Variants in CSNK1D observed in about 807,000 individuals in gnomAD.
CSNK1D encodes casein kinase I isoform delta.
CSNK1D carries 16 observed loss-of-function variants against 46.6 expected under a neutral mutation model. That is an observed-to-expected ratio of 0.34 (90% CI 0.23 to 0.52). The LOEUF (loss-of-function observed/expected upper bound fraction) is 0.52. Ranked by LOEUF, CSNK1D falls within the 20% of genes least tolerant of loss-of-function variation. The probability of loss-of-function intolerance (pLI) is 0.95; values close to 1 mark genes in which losing one functional copy is unlikely to be tolerated. For synonymous variants in CSNK1D, 276 were observed against 228.2 expected (o/e 1.21, Z -1.89); for missense variants, 398 against 578.4 (o/e 0.69, Z 3.20).
chr17:82,272,901 C>T (rs113042471), intron 1 of CSNK1D, among the ~76,000 whole-genome samples: 1 of 146,422 alleles, frequency 6.8e-6, no homozygotes, highest in Non-Finnish European at 1.5e-5. Flanking sequence ...CCACGGCCCG[C>T]TGCCCCCACC....
At position 82,252,455 on chromosome 17, in the gene CSNK1D, C is replaced by G. The variant is rs1228033677; in HGVS notation, c.715G>C (p.Val239Leu). 1 of 1,614,140 alleles carries G rather than the reference C, an allele frequency of 6.2e-7. No homozygotes were observed. The highest frequency in any genetic ancestry group is 1.7e-5 in the Admixed American group (1 of 60,022). The stretch of plus-strand genomic sequence containing the variant: ...TTACAAGGGTAGCCTTTACACAACA[C>G]TTCGATGGGGGTGGACATTTTCTTC... ...SEKKMSTPIE[V>L]LCKGYPSEFA... The change falls in exon 5 of 9, where the codon GTG becomes CTG. Residue 239 changes from valine to leucine, a missense_variant. Val to Leu is a conservative substitution (Grantham distance 32). Transcript: ENST00000314028. This position sits in a 1 kb window ranked among gnomAD's most constrained non-coding sequence, Gnocchi z 4.6.
chr17:82,242,610 A>C (rs1371208134), downstream of CSNK1D: 4 of 976,140 alleles, frequency 4.1e-6, no homozygotes, highest in Non-Finnish European at 4.9e-6. Context: ...GTTCACCTCA[A>C]CACAGTGAAA....
chr17:82,246,579 A>G, intron 8 of CSNK1D: 2 of 1,027,366 alleles, frequency 1.9e-6, no homozygotes, highest in Non-Finnish European at 2.3e-6. Context: ...GCCGAACACC[A>G]ACAGCCCGAA....
intron 2 of CSNK1D, 124 bp downstream of exon 2, chr17:82,265,562 G>C: frequency 1.3e-6 from 1 of 775,630 alleles, no homozygotes; most frequent in Non-Finnish European, 2.3e-6. Context: ...TCAGGGTGTG[G>C]AGAACACTTC....
At chr17:82,261,442 A>G (rs534913600) in intron 2 of CSNK1D, among the ~76,000 whole-genome samples, 2 of 152,324 alleles carry the variant, frequency 1.3e-5, no homozygotes, top group South Asian at 2.1e-4. Flanking sequence ...GGCCAGATAC[A>G]TGAAGACATG....
chr17:82,266,540 G>T (rs1452613974), intron 1 of CSNK1D, among the ~76,000 whole-genome samples: 3 of 152,174 alleles, frequency 2.0e-5, no homozygotes, highest in African/African-American at 7.2e-5. Context: ...TTTTTATCTA[G>T]AAATGTTCCA....
intron 1 of CSNK1D, among the ~76,000 whole-genome samples, chr17:82,268,381 A>G (rs1292859182): frequency 6.6e-6 from 1 of 152,276 alleles, no homozygotes; most frequent in Non-Finnish European, 1.5e-5. Context: ...TCAAGCTGCC[A>G]TCAGTGCACA....
At chr17:82,268,088 A>G (rs1161067343) in intron 1 of CSNK1D, among the ~76,000 whole-genome samples, 1 of 152,212 alleles carries the variant, frequency 6.6e-6, no homozygotes, top group Non-Finnish European at 1.5e-5. Context: ...CTCCTGTGGA[A>G]CCGACACCAA....
chr17:82,270,163 G>A (rs1328391053), intron 1 of CSNK1D, among the ~76,000 whole-genome samples: 5 of 152,188 alleles, frequency 3.3e-5, no homozygotes, highest in African/African-American at 7.2e-5. Flanking sequence ...TCCAAAGCCT[G>A]GGCATTCAAG....
Position 82,248,851 on chromosome 17 carries a change from C to T in CSNK1D, c.1197+24G>A. The T allele has an allele frequency of 6.2e-7, 1 of 1,603,508 alleles. No homozygotes were observed. Among genetic ancestry groups the T allele is most frequent in the East Asian group, 2.2e-5 (1 of 44,512 alleles). ...GGACGGGGTAGCCCGAGGCCCAGCGCCCGCCCGGGAGCTCTGCACCTACCT... is the reference window on the plus strand; with the variant it reads ...GGACGGGGTAGCCCGAGGCCCAGCGTCCGCCCGGGAGCTCTGCACCTACCT... On this transcript the variant is annotated intron_variant, in intron 8 of 8. Coordinates refer to ENST00000314028, the MANE Select transcript of CSNK1D (RefSeq NM_001893.6). This position sits in a 1 kb window ranked among gnomAD's most constrained non-coding sequence, Gnocchi z 4.1.
chr17:82,270,790 T>C (rs1211614464), intron 1 of CSNK1D, among the ~76,000 whole-genome samples: 2 of 151,626 alleles, frequency 1.3e-5, no homozygotes, highest in Non-Finnish European at 2.9e-5. Context: ...CTCAAGTAAC[T>C]GGACGTGTAC....
Position 82,243,192 on chromosome 17 carries a change from G to T in CSNK1D, c.*1589C>A, listed in dbSNP as rs115234770. The T allele has an allele frequency of 1.5e-5, 15 of 985,526 alleles. No individual in the cohort carries two copies. In the African/African-American group the frequency reaches 2.1e-4, roughly 14 times the overall value. 61.0% of individuals were successfully genotyped at this position (985,526 alleles called of 1,614,324 possible). On this transcript the variant is annotated 3_prime_UTR_variant, in exon 9 of 9. Transcript: ENST00000314028. ...TCAGGCAGACGGCCAGCCAGCTGGTGGGGGGGTGAACAACTGTGTTCTGGG... is the reference window on the plus strand; with the variant it reads ...TCAGGCAGACGGCCAGCCAGCTGGTTGGGGGGTGAACAACTGTGTTCTGGG...
rs372769696 is a variant in CSNK1D at position 82,244,173 on chromosome 17, C to G, written c.*608G>C. ...ACACCACGGACTTTTGATGAGAAAT[C>G]TCCTCTCCAAAGCGGACAATAAAAC... On this transcript the variant is annotated 3_prime_UTR_variant, in exon 9 of 9. Transcript: ENST00000314028. The G allele has an allele frequency of 6.8e-5, 69 of 1,008,392 alleles. No individual in the cohort carries two copies. The East Asian group carries it at 4.2e-3, about 62-fold the overall frequency. 62.5% of individuals were successfully genotyped at this position (1,008,392 alleles called of 1,614,324 possible).
chr17:82,251,193 CT>C lies in CSNK1D; in HGVS notation c.885+185del. On this transcript the variant is annotated intron_variant, in intron 6 of 8. Transcript: ENST00000314028. The surrounding 1 kb of genome is among the most constrained non-coding windows in gnomAD (Gnocchi z 4.5). ...TGCGTTCCCTAATGGCGTCTTACTT[CT>C]TGGCACCCCTTTCTGGCAGGCAGAC... 1.5e-6 allele frequency: 1 copy of C among 666,654 alleles called. No homozygotes were observed. Among genetic ancestry groups the C allele is most frequent in the East Asian group, 2.8e-5 (1 of 35,646 alleles). The allele number at this position is 666,654 out of a possible 1,614,324, so 41.3% of individuals were successfully genotyped here.
At chr17:82,270,464 A>ATAC (rs1266567539) in intron 1 of CSNK1D, among the ~76,000 whole-genome samples, 1 of 152,228 alleles carries the variant, frequency 6.6e-6, no homozygotes, top group African/African-American at 2.4e-5. Flanking sequence ...AACAGTAGGA[A>ATAC]TGGTCTTAAC....
At position 82,243,247 on chromosome 17, in the gene CSNK1D, T is replaced by C; in HGVS notation, c.*1534A>G. On this transcript the variant is annotated 3_prime_UTR_variant, in exon 9 of 9. Coordinates refer to ENST00000314028, the MANE Select transcript of CSNK1D (RefSeq NM_001893.6). ...CAGCCAGTTATGGCATCCGGGGAAC[T>C]CTGGGGAGGAGAAGGGAGAACCAAG... 2 of 985,458 alleles carry C rather than the reference T, an allele frequency of 2.0e-6. No homozygotes were observed. Among genetic ancestry groups the C allele is most frequent in the Non-Finnish European group, 2.4e-6 (2 of 829,984 alleles). 61.0% of individuals were successfully genotyped at this position (985,458 alleles called of 1,614,324 possible). A position where few individuals can be genotyped will look rare whatever the true frequency, so the allele number is the denominator to read the frequency against.
At chr17:82,256,025 C>T (rs1354215542) in intron 2 of CSNK1D, among the ~76,000 whole-genome samples, 2 of 152,214 alleles carry the variant, frequency 1.3e-5, no homozygotes, top group African/African-American at 2.4e-5. Flanking sequence ...TGTTCAATTA[C>T]TCCGATGTTG....
At chr17:82,247,221 G>A (rs2050873563) in intron 8 of CSNK1D, 4 of 985,408 alleles carry the variant, frequency 4.1e-6, no homozygotes, top group Non-Finnish European at 4.8e-6. Flanking sequence ...GGAAAACGAG[G>A]GCCTAAGAGC....
chr17:82,246,187 G>C, intron 8 of CSNK1D: 2 of 1,534,756 alleles, frequency 1.3e-6, no homozygotes, highest in East Asian at 2.5e-5. Flanking sequence ...ACAGAGCACA[G>C]CCTCACTTGC....
Sources: gnomAD v4.1 joint callset for allele counts (sites outside exome capture counted in the v4.1 genomes callset) on GRCh38, gnomAD v4.1.1 for gene constraint, Gnocchi (gnomAD v3.1) non-coding constraint, MANE v1.5 for transcripts, NCBI Gene and HGNC (gene_info 2026-07-23, HGNC 2026-07-21) for gene names.